Variants in FANCL observed in about 807,000 individuals in gnomAD.
FANCL encodes the protein FA complementation group L.
FANCL carries 69 observed loss-of-function variants against 59.4 expected under a neutral mutation model. The observed-to-expected ratio is 1.16, with a 90% CI of 0.96 to 1.42. The LOEUF (loss-of-function observed/expected upper bound fraction) is 1.42, where lower values mean the gene tolerates loss of function less well. Among genes scored for constraint, FANCL ranks in the 40% most tolerant of loss-of-function variants. FANCL has a pLI of 0.00. For synonymous variants in FANCL, 180 were observed against 147.1 expected, an observed-to-expected ratio of 1.22 and a Z score of -1.62; for missense variants, 519 against 447.2, an observed-to-expected ratio of 1.16 and a Z score of -1.45.
At chr2:58,165,590 A>G (rs1486071149) in intron 8 of FANCL, 134 bp downstream of exon 8, 9 of 1,083,046 alleles carry the variant, frequency 8.3e-6, no homozygotes, top group South Asian at 2.9e-5. Flanking sequence ...GTAGCCAAAA[A>G]AAAGTTTATA....
At chr2:58,225,605 T>C (rs1238167739) in intron 4 of FANCL, among the ~76,000 whole-genome samples, 1 of 151,994 alleles carries the variant, frequency 6.6e-6, no homozygotes, top group African/African-American at 2.4e-5. Context: ...AGATACCACG[T>C]GGATCCTCAT....
At chr2:58,213,599 A>G (rs1488087587) in intron 5 of FANCL, 1 of 152,080 alleles carries the variant, frequency 6.6e-6, no homozygotes, top group Non-Finnish European at 1.5e-5. Flanking sequence ...TAGGCCAGGC[A>G]TGGCAGCGAA....
intron 7 of FANCL, among the ~76,000 whole-genome samples, chr2:58,167,965 T>C (rs1332859315): frequency 2.6e-5 from 4 of 152,138 alleles, no homozygotes; most frequent in Non-Finnish European, 4.4e-5. Context: ...TTTTGAATTT[T>C]TTCCCCAAAT....
At chr2:58,166,720 C>A (rs1486645252) in intron 7 of FANCL, among the ~76,000 whole-genome samples, 1 of 152,214 alleles carries the variant, frequency 6.6e-6, no homozygotes, top group African/African-American at 2.4e-5. Context: ...TCTGAAATAA[C>A]TGGCCACACC....
At chr2:58,191,984 G>T (rs1030880297) in intron 7 of FANCL, among the ~76,000 whole-genome samples, 6 of 151,828 alleles carry the variant, frequency 4.0e-5, no homozygotes, top group Non-Finnish European at 7.4e-5. Flanking sequence ...GCCAGAATTT[G>T]ATCCAGACTT....
rs376224867 is a variant in FANCL, at chr2:58,241,294, C to A, written c.20G>T (p.Ser7Ile). The part of the protein sequence containing the change: MAVTEA[S>I]LLRQCPLLLP... ...AAGCAGGGGGCACTGGCGCAACAGGCTCGCTTCCGTCACCGCCATGGCTCG... is the reference window on the plus strand; with the variant it reads ...AAGCAGGGGGCACTGGCGCAACAGGATCGCTTCCGTCACCGCCATGGCTCG... Residue 7 changes from serine to isoleucine, a missense_variant, in exon 1 of 14, where the codon AGC becomes ATC. By Grantham distance (142) the Ser-to-Ile change is moderately radical (BLOSUM62 -2). Coordinates refer to ENST00000233741, the MANE Select transcript of FANCL (RefSeq NM_018062.4). 8.1e-6 allele frequency: 13 copies of A among 1,614,128 alleles called. No homozygotes were observed. The highest frequency in any genetic ancestry group is 6.7e-5 in the Admixed American group (4 of 60,018).
At chr2:58,189,614 G>A (rs74749607) in intron 7 of FANCL, among the ~76,000 whole-genome samples, 1,557 of 152,164 alleles carry the variant, frequency 0.01, 15 homozygotes, top group Non-Finnish European at 0.016. Context: ...CACTTAAGCA[G>A]GAAAGTATGA....
chr2:58,211,114 G>C (rs572647027), intron 5 of FANCL, among the ~76,000 whole-genome samples: 2 of 152,282 alleles, frequency 1.3e-5, no homozygotes, highest in South Asian at 4.1e-4. Context: ...CTTCCGCATT[G>C]TCCTAACAGA....
At chr2:58,223,528 G>A (rs1278655004) in intron 4 of FANCL, among the ~76,000 whole-genome samples, 1 of 151,934 alleles carries the variant, frequency 6.6e-6, no homozygotes, top group African/African-American at 2.4e-5. Context: ...CTTCTATTCT[G>A]AGTCAGGTAA....
intron 11 of FANCL, 64 bp downstream of exon 11, chr2:58,162,802 A>G: frequency 7.3e-7 from 1 of 1,361,332 alleles, no homozygotes; most frequent in Non-Finnish European, 1.0e-6. Context: ...TTTTTCACTG[A>G]GAGAAGCATT....
intron 7 of FANCL, among the ~76,000 whole-genome samples, chr2:58,192,669 T>C (rs960381636): frequency 5.3e-5 from 8 of 151,870 alleles, no homozygotes; most frequent in African/African-American, 1.9e-4. Flanking sequence ...TGAGGGTAGG[T>C]GGAGAAAACA....
chr2:58,186,386 T>G (rs975677472), intron 7 of FANCL, among the ~76,000 whole-genome samples: 19 of 152,186 alleles, frequency 1.2e-4, no homozygotes, highest in Non-Finnish European at 2.5e-4. Flanking sequence ...AGCTTGAGAT[T>G]TCCCCAGAAG....
intron 7 of FANCL, among the ~76,000 whole-genome samples, chr2:58,184,000 C>T (rs10185542): frequency 0.015 from 2,298 of 151,998 alleles, 58 homozygotes; most frequent in African/African-American, 0.051. Context: ...TCTAAGGTAA[C>T]TTCTAAGGTG....
At chr2:58,165,702 C>T (rs766392516) in intron 8 of FANCL, 22 bp downstream of exon 8, 15 of 1,613,658 alleles carry the variant, frequency 9.3e-6, no homozygotes, top group South Asian at 5.5e-5. Flanking sequence ...AAAAACAAAC[C>T]CTTAATCCTC....
chr2:58,204,432 A>C (rs1690372239), intron 5 of FANCL, among the ~76,000 whole-genome samples: 1 of 152,082 alleles, frequency 6.6e-6, no homozygotes, highest in Admixed American at 6.6e-5. Flanking sequence ...GCAGTCATAT[A>C]TCTCTGGATT....
intron 7 of FANCL, among the ~76,000 whole-genome samples, chr2:58,193,278 A>G (rs1466255002): frequency 2.6e-5 from 4 of 152,100 alleles, no homozygotes; most frequent in Non-Finnish European, 5.9e-5. Context: ...TGACAAGCAT[A>G]GTTTCAAAAC....
chr2:58,227,510 C>G (rs970615111), intron 3 of FANCL, among the ~76,000 whole-genome samples: 1 of 152,180 alleles, frequency 6.6e-6, no homozygotes, highest in Non-Finnish European at 1.5e-5. Flanking sequence ...CTCCTCCAAC[C>G]ACCCTGGTCG....
intron 7 of FANCL, among the ~76,000 whole-genome samples, chr2:58,188,838 A>T (rs13023405): frequency 0.077 from 11,786 of 152,144 alleles, 603 homozygotes; most frequent in East Asian, 0.19. Context: ...AATTTGGAGA[A>T]AATTTTACTA....
intron 7 of FANCL, among the ~76,000 whole-genome samples, chr2:58,195,770 A>C (rs1012146171): frequency 1.3e-5 from 2 of 152,188 alleles, no homozygotes; most frequent in East Asian, 3.8e-4. Context: ...GGTCAGACTA[A>C]GATGAGACTA....
Sources: allele counts gnomAD v4.1 joint callset (sites outside exome capture counted in the v4.1 genomes callset), GRCh38; gene constraint gnomAD v4.1.1; transcripts MANE v1.5; gene names NCBI Gene and HGNC (gene_info 2026-07-23, HGNC 2026-07-21).